GRK3: variants seen among roughly 807,000 people sequenced by gnomAD.
The protein encoded by GRK3 is adrenergic, beta, receptor kinase 2.
A neutral mutation model predicts 95.7 loss-of-function variants in GRK3; 54 were observed. The observed-to-expected ratio is 0.56, with a 90% CI of 0.45 to 0.71. The LOEUF is 0.71. Among genes scored for constraint, GRK3 ranks in the 30% least tolerant of loss-of-function variants. GRK3 has a pLI of 0.00. For synonymous variants in GRK3, 281 were observed against 290.8 expected (o/e 0.97, Z 0.34); for missense variants, 649 against 851.2 (o/e 0.76, Z 2.96).
At chr22:25,604,479 T>C in intron 2 of GRK3, 26 bp downstream of exon 2, 1 of 1,547,478 alleles carries the variant, frequency 6.5e-7, no homozygotes. Context: ...TCATTTGGCA[T>C]ACGGTAATTT....
At chr22:25,640,006 G>C (rs1304370342) in intron 2 of GRK3, among the ~76,000 whole-genome samples, 1 of 152,098 alleles carries the variant, frequency 6.6e-6, no homozygotes, top group Non-Finnish European at 1.5e-5. Flanking sequence ...TTTATCTAAT[G>C]ACCTTATGTC....
chr22:25,600,993 C>G (rs2084405729), intron 1 of GRK3, among the ~76,000 whole-genome samples: 1 of 152,074 alleles, frequency 6.6e-6, no homozygotes, highest in African/African-American at 2.4e-5. Flanking sequence ...TATTCATGTA[C>G]TTAACAACAG....
At chr22:25,628,052 C>G (rs1468045080) in intron 2 of GRK3, among the ~76,000 whole-genome samples, 5 of 152,176 alleles carry the variant, frequency 3.3e-5, no homozygotes, top group Non-Finnish European at 7.3e-5. Flanking sequence ...GAGAGACAGA[C>G]AGGTCATTAA....
intron 17 of GRK3, 128 bp from the exon 18 acceptor site, chr22:25,714,280 A>G: frequency 1.4e-6 from 1 of 710,122 alleles, no homozygotes; most frequent in Non-Finnish European, 2.3e-6. Context: ...CCTCGAAATG[A>G]TTACTGCTGC....
intron 2 of GRK3, among the ~76,000 whole-genome samples, chr22:25,604,796 A>G (rs1242530698): frequency 6.6e-6 from 1 of 152,210 alleles, no homozygotes; most frequent in African/African-American, 2.4e-5. Flanking sequence ...TAGCTTTAAA[A>G]TTATTTTATG....
chr22:25,630,902 T>C (rs981961767), intron 2 of GRK3, among the ~76,000 whole-genome samples: 4 of 152,374 alleles, frequency 2.6e-5, no homozygotes, highest in African/African-American at 9.6e-5. Flanking sequence ...TCCCAAATTA[T>C]ATTTCATTTA....
chr22:25,569,595 A>G (rs1931611716), intron 1 of GRK3, among the ~76,000 whole-genome samples: 1 of 152,210 alleles, frequency 6.6e-6, no homozygotes, highest in Non-Finnish European at 1.5e-5. Flanking sequence ...AAACTATCCG[A>G]CGAAGGTGTC....
chr22:25,707,096 C>T (rs1056355211), intron 15 of GRK3, among the ~76,000 whole-genome samples: 1 of 152,070 alleles, frequency 6.6e-6, no homozygotes, highest in Non-Finnish European at 1.5e-5. Flanking sequence ...CCTAGGATTA[C>T]AGGCATGGGC....
At chr22:25,650,567 G>A (rs1439225209) in intron 3 of GRK3, among the ~76,000 whole-genome samples, 3 of 152,126 alleles carry the variant, frequency 2.0e-5, no homozygotes, top group Non-Finnish European at 2.9e-5. Flanking sequence ...AACAGAGAGA[G>A]TAAAATGTAT....
At chr22:25,720,879 G>A (rs975528307) in intron 19 of GRK3, among the ~76,000 whole-genome samples, 13 of 152,160 alleles carry the variant, frequency 8.5e-5, no homozygotes, top group African/African-American at 3.1e-4. Context: ...AACATTTACT[G>A]AGTTGCTGCC....
At chr22:25,667,868 A>C (rs990532153) in intron 6 of GRK3, 68 bp downstream of exon 6, 11 of 878,736 alleles carry the variant, frequency 1.3e-5, no homozygotes, top group Admixed American at 1.9e-5. Flanking sequence ...TTATGCCGTA[A>C]ATGCTGACCT....
chr22:25,598,633 T>A (rs957635918), intron 1 of GRK3, among the ~76,000 whole-genome samples: 4 of 151,768 alleles, frequency 2.6e-5, no homozygotes, highest in African/African-American at 9.7e-5. Context: ...CATGATCTCA[T>A]CACTATACTC....
rs533677601 is a variant in GRK3 at position 25,567,079 on chromosome 22, A to G, written c.113+1926A>G. Among the ~76,000 whole-genome samples, 25 of 152,064 alleles carry G rather than the reference A, an allele frequency of 1.6e-4. No individual in the cohort carries two copies. In the South Asian group the frequency reaches 5.0e-3, roughly 30 times the overall value. On this transcript the variant is annotated intron_variant, in intron 1 of 20. Transcript: ENST00000324198. ...ATGAATGCCTTTGTTTTTCAGTGGTATTCTTTGGTAATGCTTTCTTTTAAG... is the reference window on the plus strand; with the variant it reads ...ATGAATGCCTTTGTTTTTCAGTGGTGTTCTTTGGTAATGCTTTCTTTTAAG...
chr22:25,710,803 T>C (rs1246621812), intron 16 of GRK3, among the ~76,000 whole-genome samples: 1 of 152,244 alleles, frequency 6.6e-6, no homozygotes, highest in Non-Finnish European at 1.5e-5. Context: ...TCCTGAGATT[T>C]TGTTATATTT....
At chr22:25,678,186 G>A (rs927205416) in intron 8 of GRK3, among the ~76,000 whole-genome samples, 1 of 152,178 alleles carries the variant, frequency 6.6e-6, no homozygotes, top group African/African-American at 2.4e-5. Context: ...CGGGCACGGT[G>A]GCTCATGCCT....
chr22:25,640,304 C>G (rs2084733887), intron 2 of GRK3, among the ~76,000 whole-genome samples: 1 of 152,300 alleles, frequency 6.6e-6, no homozygotes, highest in Middle Eastern at 3.4e-3. Context: ...ACATCTTCCT[C>G]TTTTTATCAT....
At chr22:25,596,436 T>C (rs1248765689) in intron 1 of GRK3, among the ~76,000 whole-genome samples, 2 of 152,244 alleles carry the variant, frequency 1.3e-5, no homozygotes, top group Non-Finnish European at 2.9e-5. Flanking sequence ...CATTTTAATA[T>C]CTAGTTTTTA....
At chr22:25,640,731 C>T (rs184418521) in intron 2 of GRK3, among the ~76,000 whole-genome samples, 1 of 152,156 alleles carries the variant, frequency 6.6e-6, no homozygotes. Flanking sequence ...ACAATTCTTT[C>T]TACTAATTTT....
chr22:25,612,307 A>G (rs1245260760), intron 2 of GRK3, among the ~76,000 whole-genome samples: 3 of 152,134 alleles, frequency 2.0e-5, no homozygotes, highest in Admixed American at 6.5e-5. Context: ...GCATGTGGAT[A>G]TCCGATTTTG....
Sources: allele counts gnomAD v4.1 joint callset (sites outside exome capture counted in the v4.1 genomes callset), GRCh38; gene constraint gnomAD v4.1.1; transcripts MANE v1.5; gene names NCBI Gene and HGNC (gene_info 2026-07-23, HGNC 2026-07-21).